GRIN2D: variants seen among roughly 807,000 people sequenced by gnomAD.
GRIN2D encodes glutamate receptor ionotropic, NMDA 2D.
GRIN2D carries 37 observed loss-of-function variants against 103.2 expected under a neutral mutation model. That is an observed-to-expected ratio of 0.36 (90% CI 0.28 to 0.47). The LOEUF is 0.47. Among genes scored for constraint, GRIN2D ranks in the 20% least tolerant of loss-of-function variants. GRIN2D has a pLI of 1.00. For synonymous variants in GRIN2D, 845 were observed against 885.6 expected, an observed-to-expected ratio of 0.95 and a Z score of 0.81; for missense variants, 1,557 against 1,910.6, an observed-to-expected ratio of 0.81 and a Z score of 3.45.
chr19:48,430,295 G>A (rs1971139651), intron 11 of GRIN2D, among the ~76,000 whole-genome samples: 1 of 152,200 alleles, frequency 6.6e-6, no homozygotes, highest in South Asian at 2.1e-4. Flanking sequence ...TGCCTCCCAG[G>A]TTCAAGTGAT....
rs752378424 is a variant in GRIN2D at position 48,405,009 on chromosome 19, C to T, written c.741C>T (p.Phe247=). The change falls in exon 4 of 14, where the codon TTC becomes TTT. Residue 247 remains phenylalanine, a synonymous_variant. Coordinates refer to ENST00000263269, the MANE Select transcript of GRIN2D (RefSeq NM_000836.4). The surrounding 1 kb of genome is among the most constrained non-coding windows in gnomAD (Gnocchi z 5.1). ...TCAGCGCGCAGATCCGCCTGCTCTT[C>T]TGCGCCCGAGAGGAGGCCGAGCCCG... ...RSVSAQIRLL[F]CAREEAEPVF... 2.9e-5 allele frequency: 47 copies of T among 1,612,252 alleles called. No homozygotes were observed. In the South Asian group the frequency reaches 4.6e-4, roughly 16 times the overall value.
Position 48,442,925 on chromosome 19 carries a change from C to T in GRIN2D, c.2999C>T (p.Pro1000Leu). Reference sequence around the variant, plus strand: ...CTGTCCCCGCCGGCCGCTCAGCCCCCGCAGAAGCCGCCGCCCTCCTATTTC... The same window carrying T: ...CTGTCCCCGCCGGCCGCTCAGCCCCTGCAGAAGCCGCCGCCCTCCTATTTC... Reference protein sequence around the residue: ...RPLSPPAAQPPQKPPPSYFAI... With the variant: ...RPLSPPAAQPLQKPPPSYFAI... Residue 1000 changes from proline to leucine, a missense_variant, in exon 14 of 14, where the codon CCG becomes CTG. Physicochemically the swap from Pro to Leu is moderately conservative, Grantham distance 98. Around this residue, in one of 7 missense-constraint regions of GRIN2D, gnomAD observed 632 missense variants for 572.8 expected, o/e 1.10. Transcript: ENST00000263269. This position sits in a 1 kb window ranked among gnomAD's most constrained non-coding sequence, Gnocchi z 7.2. The T allele has an allele frequency of 8.9e-7, 1 of 1,128,994 alleles. No homozygotes were observed. Among genetic ancestry groups the T allele is most frequent in the Non-Finnish European group, 1.1e-6 (1 of 916,888 alleles). The allele number at this position is 1,128,994 out of a possible 1,614,324, so 69.9% of individuals were successfully genotyped here.
chr19:48,415,494 G>A (rs1323478260), intron 7 of GRIN2D, among the ~76,000 whole-genome samples: 3 of 150,516 alleles, frequency 2.0e-5, no homozygotes, highest in East Asian at 3.9e-4. Flanking sequence ...CAGGGGGCGG[G>A]GTCAGGAGGT....
intron 3 of GRIN2D, among the ~76,000 whole-genome samples, chr19:48,402,115 G>GGAAAGAAAGAAA (rs201781099): frequency 0.039 from 3,468 of 87,834 alleles, 100 homozygotes; most frequent in Non-Finnish European, 0.042. Context: ...AGAAAGAGAA[G>GGAAAGAAAGAAA]GAAAGAAAGA....
In GRIN2D at chr19:48,443,843, C is replaced by G; in HGVS notation, c.3917C>G (p.Pro1306Arg). ...RCPHAAHWGP[P>R]LPTASHRRHR... is the part of the protein sequence containing the mutation. ...CCGCACGCCGCGCACTGGGGGCCGCCGCTGCCCACAGCTTCCCACCGGAGA... is the reference window on the plus strand; with the variant it reads ...CCGCACGCCGCGCACTGGGGGCCGCGGCTGCCCACAGCTTCCCACCGGAGA... Residue 1306 changes from proline to arginine, a missense_variant, in exon 14 of 14, where the codon CCG (proline) becomes CGG (arginine). By Grantham distance (103) the Pro-to-Arg change is moderately radical. This residue lies in a region of GRIN2D where 88 missense variants were observed against 84.3 expected (regional missense o/e 1.04). Coordinates refer to ENST00000263269, the MANE Select transcript of GRIN2D (RefSeq NM_000836.4). This position sits in a 1 kb window ranked among gnomAD's most constrained non-coding sequence, Gnocchi z 8.9. The G allele has an allele frequency of 6.7e-7, 1 of 1,485,866 alleles. No homozygotes were observed. The highest frequency in any genetic ancestry group is 8.9e-7 in the Non-Finnish European group (1 of 1,126,324). The allele number at this position is 1,485,866 out of a possible 1,614,324, so 92.0% of individuals were successfully genotyped here. A position where few individuals can be genotyped will look rare whatever the true frequency, so the allele number is the denominator to read the frequency against.
rs59991725 is a variant in GRIN2D at position 48,407,662 on chromosome 19, G to A, written c.1085+2309G>A. Among the ~76,000 whole-genome samples the A allele has an allele frequency of 1.3e-3, 194 of 152,270 alleles. 3 individuals carry two copies. The highest frequency in any genetic ancestry group is 4.4e-3 in the African/African-American group (184 of 41,568). On this transcript the variant is annotated intron_variant, in intron 4 of 13. Transcript: ENST00000263269. ...GAAAGTCTGCTATGTGCCAAGCATT[G>A]CTTTAGGCACAGGGTGTATATAGTG...
At chr19:48,438,151 G>A (rs997027943) in intron 11 of GRIN2D, among the ~76,000 whole-genome samples, 4 of 152,078 alleles carry the variant, frequency 2.6e-5, no homozygotes, top group Non-Finnish European at 5.9e-5. Context: ...CTGTGAGTGC[G>A]TGGACAGGGT....
In GRIN2D at chr19:48,398,652, TG is replaced by T; in HGVS notation, c.262del (p.Ala88ArgfsTer101). The T allele has an allele frequency of 7.0e-7, 1 of 1,436,634 alleles. No individual in the cohort carries two copies. Among genetic ancestry groups the T allele is most frequent in the Non-Finnish European group, 9.1e-7 (1 of 1,095,700 alleles). The allele number at this position is 1,436,634 out of a possible 1,614,324, so 89.0% of individuals were successfully genotyped here. A position where few individuals can be genotyped will look rare whatever the true frequency, so the allele number is the denominator to read the frequency against. The stretch of plus-strand genomic sequence containing the variant: ...AGCCCGGGCCTAGACGTGCGGCCCG[TG>T]GCGCTGGTGCTCAACGGCTCGGACC... ...VRSPGLDVRP[V>X]ALVLNGSDPR... is the part of the protein sequence containing the mutation. On this transcript the variant is annotated frameshift_variant, in exon 3 of 14. Transcript: ENST00000263269. LOFTEE classifies it high-confidence loss of function.
chr19:48,431,606 C>T (rs541751988), intron 11 of GRIN2D, among the ~76,000 whole-genome samples: 5 of 140,882 alleles, frequency 3.5e-5, no homozygotes, highest in Non-Finnish European at 6.1e-5. Flanking sequence ...TTTTTTGAGA[C>T]GGAGTTTCAC....
At chr19:48,404,664 C>A (rs1045273969) in intron 3 of GRIN2D, 70 bp from the exon 4 acceptor site, 4 of 1,433,892 alleles carry the variant, frequency 2.8e-6, no homozygotes, top group African/African-American at 1.4e-5. Flanking sequence ...GAGCTGTGGT[C>A]CCCTTATTCA....
intron 3 of GRIN2D, among the ~76,000 whole-genome samples, chr19:48,400,212 T>C (rs1600968646): frequency 6.6e-6 from 1 of 151,710 alleles, no homozygotes; most frequent in Admixed American, 6.6e-5. Context: ...GCCTGCTCTG[T>C]GGATTGAGAA....
chr19:48,432,005 C>T (rs966058034), intron 11 of GRIN2D, among the ~76,000 whole-genome samples: 3 of 151,618 alleles, frequency 2.0e-5, no homozygotes, highest in South Asian at 2.1e-4. Flanking sequence ...CTCTGCCTCC[C>T]GGGTTCAAGC....
In GRIN2D at chr19:48,405,268, C is replaced by G; in HGVS notation, c.1000C>G (p.Leu334Val). 6.2e-7 allele frequency: 1 copy of G among 1,600,194 alleles called. No individual in the cohort carries two copies. Reference sequence around the variant, plus strand: ...CGTAGTGGCCAGAGGTGCCCAGGCCCTGCTGCGTGATTATGGTTTCCTTCC... The same window carrying G: ...CGTAGTGGCCAGAGGTGCCCAGGCCGTGCTGCGTGATTATGGTTTCCTTCC... The part of the protein sequence containing the change: ...VAVVARGAQA[L>V]LRDYGFLPEL... The change falls in exon 4 of 14, where the codon CTG becomes GTG. Residue 334 changes from leucine (L) to valine (V), a missense_variant. Leu to Val is a conservative substitution (Grantham distance 32, BLOSUM62 1). Coordinates refer to ENST00000263269, the MANE Select transcript of GRIN2D (RefSeq NM_000836.4). The surrounding 1 kb of genome is among the most constrained non-coding windows in gnomAD (Gnocchi z 5.1).
Position 48,394,602 on chromosome 19 carries a change from G to A in GRIN2D, c.-305-56G>A, listed in dbSNP as rs1409484906. Among the ~76,000 whole-genome samples, 2 of 152,020 alleles carry A rather than the reference G, an allele frequency of 1.3e-5. No individual in the cohort carries two copies. The highest frequency in any genetic ancestry group is 2.4e-5 in the African/African-American group (1 of 41,386). ...GCGGAGGGGGGATCCCCACGGGGTCGGGGCGGCAAGAGGACACCCCGACAG... is the reference window on the plus strand; with the variant it reads ...GCGGAGGGGGGATCCCCACGGGGTCAGGGCGGCAAGAGGACACCCCGACAG... On this transcript the variant is annotated intron_variant, in intron 1 of 13. Transcript: ENST00000263269. This position sits in a 1 kb window ranked among gnomAD's most constrained non-coding sequence, Gnocchi z 5.1.
Position 48,442,685 on chromosome 19 carries a change from AC to A in GRIN2D, c.2763del (p.Ala922ArgfsTer52). The A allele has an allele frequency of 8.3e-7, 1 of 1,204,952 alleles. No individual in the cohort carries two copies. The highest frequency in any genetic ancestry group is 1.0e-6 in the Non-Finnish European group (1 of 973,238). 74.6% of individuals were successfully genotyped at this position (1,204,952 alleles called of 1,614,324 possible). A position where few individuals can be genotyped will look rare whatever the true frequency, so the allele number is the denominator to read the frequency against. Reference sequence around the variant, plus strand: ...CCACAGCCCCTGCCCAGCCCCGCGTACCCCGCGCCGCGGCCGGCTCCCGGGC... The same window carrying A: ...CCACAGCCCCTGCCCAGCCCCGCGTACCCGCGCCGCGGCCGGCTCCCGGGC... ...PPPQPLPSPA[Y>X]PAPRPAPGPA... On this transcript the variant is annotated frameshift_variant, in exon 14 of 14. Coordinates refer to ENST00000263269, the MANE Select transcript of GRIN2D (RefSeq NM_000836.4). LOFTEE classifies it high-confidence loss of function. The surrounding 1 kb of genome is among the most constrained non-coding windows in gnomAD (Gnocchi z 7.2).
At chr19:48,395,562 G>T (rs141529782) in intron 2 of GRIN2D, among the ~76,000 whole-genome samples, 4 of 151,994 alleles carry the variant, frequency 2.6e-5, no homozygotes, top group Admixed American at 6.6e-5. Context: ...TCGAGGTTGT[G>T]GGGGGAGCTG....
rs1196273562 is a variant in GRIN2D, at chr19:48,412,398, AAAAG to A, written c.1086-1579_1086-1576del. 2.3e-3 allele frequency among the ~76,000 whole-genome samples: 347 copies of A among 149,968 alleles called. 2 individuals carry two copies. The highest frequency in any genetic ancestry group is 7.2e-3 in the African/African-American group (294 of 40,758). ...AAAAAAGAAAAGAAGAAAGAGAAAG[AAAAG>A]AAAGAAAGAAAGAGAAAGAAAAGAA... is the stretch of plus-strand genomic sequence containing the variant. On this transcript the variant is annotated intron_variant, in intron 4 of 13. Coordinates refer to ENST00000263269, the MANE Select transcript of GRIN2D (RefSeq NM_000836.4).
chr19:48,436,907 C>T (rs1288329568), intron 11 of GRIN2D, among the ~76,000 whole-genome samples: 1 of 152,120 alleles, frequency 6.6e-6, no homozygotes, highest in Non-Finnish European at 1.5e-5. Flanking sequence ...GGCACAGGGC[C>T]TCTAAACTCG....
intron 11 of GRIN2D, among the ~76,000 whole-genome samples, chr19:48,440,221 A>AAAT (rs1569073569): frequency 2.6e-5 from 4 of 152,058 alleles, no homozygotes; most frequent in East Asian, 1.9e-4. Context: ...CAAGAAAAAA[A>AAAT]AAATAAATAA....
Sources: gnomAD v4.1 joint callset for allele counts (sites outside exome capture counted in the v4.1 genomes callset) on GRCh38, gnomAD v4.1.1 for gene constraint, gnomAD v4.1.1 regional missense constraint, Gnocchi (gnomAD v3.1) non-coding constraint, MANE v1.5 for transcripts, NCBI Gene and HGNC (gene_info 2026-07-23, HGNC 2026-07-21) for gene names.